Variants in TNFAIP3 observed in about 807,000 individuals in gnomAD.
TNFAIP3 encodes TNF alpha induced protein 3.
TNFAIP3 carries 9 observed loss-of-function variants against 72.4 expected under a neutral mutation model. That is an observed-to-expected ratio of 0.12 (90% CI 0.07 to 0.22). The LOEUF (loss-of-function observed/expected upper bound fraction) is 0.22, where lower values mean the gene tolerates loss of function less well. TNFAIP3 is among the 10% of genes least tolerant of loss of function. TNFAIP3 has a pLI of 1.00. For synonymous variants in TNFAIP3, 339 were observed against 372.6 expected, an observed-to-expected ratio of 0.91 and a Z score of 1.04; for missense variants, 833 against 1,018.7, an observed-to-expected ratio of 0.82 and a Z score of 2.48.
In TNFAIP3 at chr6:137,882,512, C is replaced by T. The variant is rs1037727518; in HGVS notation, c.*1193C>T. On this transcript the variant is annotated 3_prime_UTR_variant, in exon 9 of 9. Coordinates refer to ENST00000612899, the MANE Select transcript of TNFAIP3 (RefSeq NM_001270508.2). ...AAGAAGGAATTGCATCCAAGGTATA[C>T]ATACATATTCATCGATGTTTCGTGC... is the stretch of plus-strand genomic sequence containing the variant. The T allele has an allele frequency of 4.3e-6, 1 of 232,328 alleles. No homozygotes were observed. Among genetic ancestry groups the T allele is most frequent in the Non-Finnish European group, 8.5e-6 (1 of 117,374 alleles). 14.4% of individuals were successfully genotyped at this position (232,328 alleles called of 1,614,324 possible). A position where few individuals can be genotyped will look rare whatever the true frequency, so the allele number is the denominator to read the frequency against.
intron 3 of TNFAIP3, among the ~76,000 whole-genome samples, 184 bp downstream of exon 3, chr6:137,875,219 C>T (rs1776204617): frequency 6.6e-6 from 1 of 152,224 alleles, no homozygotes; most frequent in Admixed American, 6.5e-5. Context: ...TTTTGCCCTG[C>T]TTTTGGTTAG....
chr6:137,872,039 C>T (rs940256036), intron 2 of TNFAIP3, among the ~76,000 whole-genome samples: 3 of 152,206 alleles, frequency 2.0e-5, no homozygotes, highest in Admixed American at 1.3e-4. Context: ...GTCTCCTCCT[C>T]CTCTCTGACC....
intron 1 of TNFAIP3, among the ~76,000 whole-genome samples, chr6:137,870,703 A>G (rs1776029275): frequency 6.6e-6 from 1 of 152,240 alleles, no homozygotes; most frequent in African/African-American, 2.4e-5. Context: ...TCCTTCCAGC[A>G]TAGGGAGGGA....
Position 137,882,999 on chromosome 6 carries a change from T to G in TNFAIP3, c.*1680T>G, listed in dbSNP as rs1776511588. On this transcript the variant is annotated 3_prime_UTR_variant, in exon 9 of 9. Coordinates refer to ENST00000612899, the MANE Select transcript of TNFAIP3 (RefSeq NM_001270508.2). ...CCTTTACTCATACTATTAGGCACAC[T>G]TTCCCCTTAGAGCCCCCTAAGTTTT... 9.0e-6 allele frequency: 2 copies of G among 223,062 alleles called. No homozygotes were observed. The highest frequency in any genetic ancestry group is 6.6e-5 in the East Asian group (1 of 15,070). The allele number at this position is 223,062 out of a possible 1,614,324, so 13.8% of individuals were successfully genotyped here. A position where few individuals can be genotyped will look rare whatever the true frequency, so the allele number is the denominator to read the frequency against.
At chr6:137,877,958 G>A (rs3757172) in intron 6 of TNFAIP3, among the ~76,000 whole-genome samples, 1 of 152,206 alleles carries the variant, frequency 6.6e-6, no homozygotes, top group East Asian at 1.9e-4. Context: ...GCTAATGCTG[G>A]TGGAGACTAG....
chr6:137,878,769 G>T lies in TNFAIP3; in HGVS notation c.1324G>T (p.Ala442Ser). ...GMALGASRGE[A>S]YEPLAWNPEE... ...GGCGCTCGGGGCCTCTCGGGGAGAA[G>T]CCTATGAGCCCTTGGCGTGGAACCC... The change falls in exon 7 of 9, where the codon GCC becomes TCC. Residue 442 changes from alanine (A) to serine (S), a missense_variant. Physicochemically the swap from Ala to Ser is moderately conservative, Grantham distance 99 (BLOSUM62 1). This residue lies in a region of TNFAIP3 where 587 missense variants were observed against 657.8 expected (regional missense o/e 0.89). Transcript: ENST00000612899. 6.2e-7 allele frequency: 1 copy of T among 1,614,116 alleles called. No homozygotes were observed. The highest frequency in any genetic ancestry group is 8.5e-7 in the Non-Finnish European group (1 of 1,180,040).
rs1776352055 is a variant in TNFAIP3, at chr6:137,879,081, G to C, written c.1636G>C (p.Glu546Gln). The change falls in exon 7 of 9, where the codon GAG (glutamate) becomes CAG (glutamine). Residue 546 changes from glutamate to glutamine, a missense_variant. By Grantham distance (29) the Glu-to-Gln change is conservative. Around this residue, in one of 2 missense-constraint regions of TNFAIP3, gnomAD observed 587 missense variants for 657.8 expected, o/e 0.89. Transcript: ENST00000612899. Reference sequence around the variant, plus strand: ...TACTTGCTTCAAAAGGACTACAGCAGAGGCCTCCTCCAGCCTCAGCACCAG... The same window carrying C: ...TACTTGCTTCAAAAGGACTACAGCACAGGCCTCCTCCAGCCTCAGCACCAG... ...CSTCFKRTTA[E>Q]ASSSLSTSLP... is the part of the protein sequence containing the mutation. 6.2e-7 allele frequency: 1 copy of C among 1,614,184 alleles called. No individual in the cohort carries two copies. The highest frequency in any genetic ancestry group is 1.1e-5 in the South Asian group (1 of 91,082).
chr6:137,879,388 C>A (rs753202311), intron 7 of TNFAIP3, 37 bp downstream of exon 7: 1 of 1,585,426 alleles, frequency 6.3e-7, no homozygotes, highest in South Asian at 1.1e-5. Flanking sequence ...ACAGCGGCTG[C>A]TGTCCAGAAG....
chr6:137,867,859 G>A lies in TNFAIP3; in HGVS notation c.-16+317G>A, dbSNP rs1397789502. ...GCCCTCCGATCGGGTGGTCGTTGGCGCTTTGCTCCTTTCGTGTCTTTTTTG... is the reference window on the plus strand; with the variant it reads ...GCCCTCCGATCGGGTGGTCGTTGGCACTTTGCTCCTTTCGTGTCTTTTTTG... On this transcript the variant is annotated intron_variant, in intron 1 of 8. Transcript: ENST00000612899. The surrounding 1 kb of genome is among the most constrained non-coding windows in gnomAD (Gnocchi z 6.0). 2 of 152,466 alleles carry A rather than the reference G, an allele frequency of 1.3e-5. No homozygotes were observed. The highest frequency in any genetic ancestry group is 2.9e-5 in the Non-Finnish European group (2 of 68,088). The allele number at this position is 152,466 out of a possible 1,614,324, so 9.4% of individuals were successfully genotyped here.
In TNFAIP3 at chr6:137,880,058, C is replaced by G; in HGVS notation, c.1907-13C>G. The G allele has an allele frequency of 6.2e-7, 1 of 1,613,472 alleles. No individual in the cohort carries two copies. Among genetic ancestry groups the G allele is most frequent in the Non-Finnish European group, 8.5e-7 (1 of 1,179,602 alleles). On this transcript the variant is annotated splice_polypyrimidine_tract_variant and intron_variant, in intron 7 of 8. Coordinates refer to ENST00000612899, the MANE Select transcript of TNFAIP3 (RefSeq NM_001270508.2). ...CCCCTATGTGGTACTAACTAGCATC[C>G]ATTCTCATGTAGATTTTGCTGCTGC... is the stretch of plus-strand genomic sequence containing the variant.
chr6:137,874,935 C>A lies in TNFAIP3; in HGVS notation c.386C>A (p.Thr129Lys), dbSNP rs183020993. Reference sequence around the variant, plus strand: ...GTACTGAGGAAGGCGCTGTTCAGCACGCTCAAGGAAACAGACACACGCAAC... The same window carrying A: ...GTACTGAGGAAGGCGCTGTTCAGCAAGCTCAAGGAAACAGACACACGCAAC... ...DLVLRKALFS[T>K]LKETDTRNFK... Residue 129 changes from threonine to lysine, a missense_variant, in exon 3 of 9, where the codon ACG (threonine) becomes AAG (lysine). By Grantham distance (78) the Thr-to-Lys change is moderately conservative. Around this residue, in one of 2 missense-constraint regions of TNFAIP3, gnomAD observed 246 missense variants for 360.9 expected, o/e 0.68. Coordinates refer to ENST00000612899, the MANE Select transcript of TNFAIP3 (RefSeq NM_001270508.2). 4 of 1,614,238 alleles carry A rather than the reference C, an allele frequency of 2.5e-6. No individual in the cohort carries two copies. The highest frequency in any genetic ancestry group is 2.5e-6 in the Non-Finnish European group (3 of 1,180,048).
chr6:137,880,350 C>G lies in TNFAIP3; in HGVS notation c.2088+98C>G. 4 of 1,299,532 alleles carry G rather than the reference C, an allele frequency of 3.1e-6. No individual in the cohort carries two copies. The South Asian group carries it at 5.0e-5, about 16-fold the overall frequency. The allele number at this position is 1,299,532 out of a possible 1,614,324, so 80.5% of individuals were successfully genotyped here. On this transcript the variant is annotated intron_variant, in intron 8 of 8. Transcript: ENST00000612899. ...AGTGACAAGCAGGCTTTCCTCTCTG[C>G]CAGGTTCTGTCTCCTCATGATAAAG...
At chr6:137,879,379 C>T (rs1278624434) in intron 7 of TNFAIP3, 28 bp downstream of exon 7, 2 of 1,592,974 alleles carry the variant, frequency 1.3e-6, no homozygotes, top group Admixed American at 3.5e-5. Context: ...CTTCCTAACA[C>T]AGCGGCTGCT....
In TNFAIP3 at chr6:137,879,172, C is replaced by T. The variant is rs773410176; in HGVS notation, c.1727C>T (p.Pro576Leu). The T allele has an allele frequency of 8.7e-6, 14 of 1,614,142 alleles. No individual in the cohort carries two copies. The highest frequency in any genetic ancestry group is 1.1e-5 in the Non-Finnish European group (13 of 1,180,034). Residue 576 changes from proline to leucine, a missense_variant, in exon 7 of 9, where the codon CCG becomes CTG. Pro to Leu is a moderately conservative substitution (Grantham distance 98, BLOSUM62 -3). This residue lies in a region of TNFAIP3 where 587 missense variants were observed against 657.8 expected (regional missense o/e 0.89). Transcript: ENST00000612899. ...DPSRLVRSPS[P>L]HSCHRAGNDA... ...TCGCGGCTCGTCCGGAGCCCCTCCC[C>T]GCATTCTTGCCACAGAGCTGGAAAC... is the stretch of plus-strand genomic sequence containing the variant.
rs764802710 is a variant in TNFAIP3, at chr6:137,880,298, CT to C, written c.2088+51del. The C allele has an allele frequency of 8.1e-6, 13 of 1,604,616 alleles. No individual in the cohort carries two copies. In the Admixed American group the frequency reaches 2.0e-4, roughly 25 times the overall value. On this transcript the variant is annotated intron_variant, in intron 8 of 8. Coordinates refer to ENST00000612899, the MANE Select transcript of TNFAIP3 (RefSeq NM_001270508.2). ...TTCCCTCCCTCCCGTGTGTTCGATG[CT>C]TTTTGCTGGAGCGTTTTCTACCGAC... is the stretch of plus-strand genomic sequence containing the variant.
chr6:137,874,238 A>C (rs1457794252), intron 2 of TNFAIP3, among the ~76,000 whole-genome samples: 1 of 152,236 alleles, frequency 6.6e-6, no homozygotes, highest in Non-Finnish European at 1.5e-5. Flanking sequence ...CCGGACTAGC[A>C]GGCCATAGGT....
Position 137,875,042 on chromosome 6 carries a change from T to A in TNFAIP3, c.486+7T>A, listed in dbSNP as rs752962589. Reference sequence around the variant, plus strand: ...GCTTTGCTATGATACTCGGGTAGGTTTTTCCCCCTAATTATCTACTAACAG... The same window carrying A: ...GCTTTGCTATGATACTCGGGTAGGTATTTCCCCCTAATTATCTACTAACAG... On this transcript the variant is annotated splice_region_variant and intron_variant, in intron 3 of 8. Transcript: ENST00000612899. The A allele has an allele frequency of 2.5e-6, 4 of 1,613,898 alleles. No homozygotes were observed. The highest frequency in any genetic ancestry group is 3.4e-6 in the Non-Finnish European group (4 of 1,179,994).
Position 137,871,155 on chromosome 6 carries a change from G to A in TNFAIP3, c.-15-58G>A, listed in dbSNP as rs2114455731. ...GGGGTTTCCTGCAGGCAGCTATAGA[G>A]GAGTCGTATTAAAGTCAGGCTAATA... On this transcript the variant is annotated intron_variant, in intron 1 of 8. Coordinates refer to ENST00000612899, the MANE Select transcript of TNFAIP3 (RefSeq NM_001270508.2). The surrounding 1 kb of genome is among the most constrained non-coding windows in gnomAD (Gnocchi z 4.2). 6 of 1,489,944 alleles carry A rather than the reference G, an allele frequency of 4.0e-6. No homozygotes were observed. Among genetic ancestry groups the A allele is most frequent in the Non-Finnish European group, 5.4e-6 (6 of 1,109,894 alleles). 92.3% of individuals were successfully genotyped at this position (1,489,944 alleles called of 1,614,324 possible).
chr6:137,873,272 G>A (rs1163629474), intron 2 of TNFAIP3, among the ~76,000 whole-genome samples: 1 of 152,124 alleles, frequency 6.6e-6, no homozygotes, highest in Non-Finnish European at 1.5e-5. Context: ...TTCTTCAAAG[G>A]CAATATCTGT....
Sources: gnomAD v4.1 joint callset for allele counts (sites outside exome capture counted in the v4.1 genomes callset) on GRCh38, gnomAD v4.1.1 for gene constraint, gnomAD v4.1.1 regional missense constraint, Gnocchi (gnomAD v3.1) non-coding constraint, MANE v1.5 for transcripts, NCBI Gene and HGNC (gene_info 2026-07-23, HGNC 2026-07-21) for gene names.